Variants in MDGA2 observed in about 807,000 individuals in gnomAD.
MDGA2 encodes MAM domain-containing glycosylphosphatidylinositol anchor protein 2.
In MDGA2, 40 loss-of-function variants were observed where a neutral mutation model predicts 117.8. That is an observed-to-expected ratio of 0.34 (90% CI 0.26 to 0.44). The LOEUF (loss-of-function observed/expected upper bound fraction) is 0.44. MDGA2 is among the 20% of genes least tolerant of loss of function. The pLI, the probability that MDGA2 is intolerant of heterozygous loss-of-function variation, is 1.00. For synonymous variants in MDGA2, 452 were observed against 439.0 expected (o/e 1.03, Z -0.37); for missense variants, 1,123 against 1,250.6 (o/e 0.90, Z 1.54).
intron 1 of MDGA2, among the ~76,000 whole-genome samples, chr14:47,405,183 A>C (rs1379348933): frequency 6.6e-6 from 1 of 152,198 alleles, no homozygotes; most frequent in Non-Finnish European, 1.5e-5. Context: ...TCAAAAGTAC[A>C]AAGTAATTAA....
chr14:46,914,351 G>C lies in MDGA2; in HGVS notation c.2238+5661C>G, dbSNP rs146494503. On this transcript the variant is annotated intron_variant, in intron 10 of 16. Transcript: ENST00000399232. ...AACTTTGTTAGGACATAAAGATTCT[G>C]AGAAAACTTTTTTCCACAAATTAAT... Among the ~76,000 whole-genome samples the C allele has an allele frequency of 3.8e-3, 571 of 152,146 alleles. 1 individual carries two copies. The highest frequency in any genetic ancestry group is 6.8e-3 in the Middle Eastern group (2 of 294).
chr14:47,258,728 G>A (rs1319499924), intron 2 of MDGA2, among the ~76,000 whole-genome samples: 1 of 47,870 alleles, frequency 2.1e-5, no homozygotes, highest in Non-Finnish European at 3.7e-5. Flanking sequence ...AGATGGATGA[G>A]GCTATTTTTT....
At chr14:47,299,543 CAAAACA>C (rs1198485276) in intron 2 of MDGA2, 3 of 152,016 alleles carry the variant, frequency 2.0e-5, no homozygotes, top group African/African-American at 7.2e-5. Context: ...TCCATGTCTA[CAAAACA>C]AAAAATATAA....
chr14:47,446,372 G>A (rs995268936), intron 1 of MDGA2, among the ~76,000 whole-genome samples: 18 of 152,132 alleles, frequency 1.2e-4, no homozygotes, highest in African/African-American at 4.3e-4. Context: ...ATGATTATGT[G>A]TTTGTGACCC....
At chr14:47,253,053 T>C (rs1359846804) in intron 2 of MDGA2, among the ~76,000 whole-genome samples, 1 of 152,154 alleles carries the variant, frequency 6.6e-6, no homozygotes, top group Admixed American at 6.5e-5. Flanking sequence ...GAGAACAGCA[T>C]GTAGGAAACC....
intron 8 of MDGA2, among the ~76,000 whole-genome samples, chr14:47,006,969 G>A (rs912130842): frequency 1.3e-5 from 2 of 151,694 alleles, no homozygotes; most frequent in Admixed American, 6.6e-5. Flanking sequence ...TTTAAGCAAT[G>A]TTCTTTCTCA....
At chr14:46,932,814 T>C (rs1019503342) in intron 9 of MDGA2, among the ~76,000 whole-genome samples, 50 of 152,078 alleles carry the variant, frequency 3.3e-4, no homozygotes, top group African/African-American at 1.2e-3. Flanking sequence ...TATGTCTTTT[T>C]TTTTTTGAAA....
chr14:47,653,763 G>A (rs1293444483), intron 1 of MDGA2, among the ~76,000 whole-genome samples: 2 of 152,144 alleles, frequency 1.3e-5, no homozygotes, highest in African/African-American at 4.8e-5. Context: ...GGAAAAAGAG[G>A]AGAGTCAGAG....
intron 2 of MDGA2, among the ~76,000 whole-genome samples, chr14:47,299,923 T>G (rs572855054): frequency 5.3e-5 from 8 of 152,334 alleles, no homozygotes; most frequent in Non-Finnish European, 1.2e-4. Context: ...TCAACATTTT[T>G]AATAATTATT....
At chr14:47,543,703 T>C (rs866814739) in intron 1 of MDGA2, among the ~76,000 whole-genome samples, 3 of 152,198 alleles carry the variant, frequency 2.0e-5, no homozygotes, top group Non-Finnish European at 4.4e-5. Flanking sequence ...ATAAATCATC[T>C]AATCTAGTCA....
intron 7 of MDGA2, among the ~76,000 whole-genome samples, chr14:47,052,851 C>A (rs931052719): frequency 5.3e-4 from 81 of 151,842 alleles, no homozygotes; most frequent in African/African-American, 1.9e-3. Flanking sequence ...ACTCTGATGA[C>A]CTCTTATCTT....
intron 2 of MDGA2, among the ~76,000 whole-genome samples, chr14:47,247,019 T>A (rs1887263235): frequency 6.6e-6 from 1 of 151,810 alleles, no homozygotes; most frequent in South Asian, 2.1e-4. Flanking sequence ...TGTACATATT[T>A]TTCTGTGTTG....
intron 8 of MDGA2, among the ~76,000 whole-genome samples, chr14:47,031,221 T>C (rs916550835): frequency 2.9e-5 from 4 of 138,542 alleles, no homozygotes; most frequent in African/African-American, 8.2e-5. Flanking sequence ...AATATATATA[T>C]ATATATATAC....
At chr14:47,431,153 A>T (rs1007840613) in intron 1 of MDGA2, among the ~76,000 whole-genome samples, 1 of 152,016 alleles carries the variant, frequency 6.6e-6, no homozygotes, top group Non-Finnish European at 1.5e-5. Flanking sequence ...ATGAGAATAT[A>T]TAAGTATATA....
chr14:47,439,236 A>G (rs977213186), intron 1 of MDGA2, among the ~76,000 whole-genome samples: 1 of 152,134 alleles, frequency 6.6e-6, no homozygotes, highest in Admixed American at 6.6e-5. Context: ...AGATATGGCA[A>G]TGACTTAAGT....
At chr14:47,447,523 G>T (rs1251897322) in intron 1 of MDGA2, among the ~76,000 whole-genome samples, 1 of 152,156 alleles carries the variant, frequency 6.6e-6, no homozygotes, top group Admixed American at 6.6e-5. Context: ...AATCTCCACA[G>T]TGACAGGAGA....
chr14:46,924,653 G>C (rs1363635201), intron 9 of MDGA2, among the ~76,000 whole-genome samples: 1 of 151,330 alleles, frequency 6.6e-6, no homozygotes, highest in Non-Finnish European at 1.5e-5. Context: ...AATAAAATGA[G>C]CCCATTTTAT....
intron 1 of MDGA2, among the ~76,000 whole-genome samples, chr14:47,592,703 A>C (rs1226989153): frequency 1.3e-5 from 2 of 152,126 alleles, no homozygotes; most frequent in East Asian, 1.9e-4. Context: ...TTGAAACTGA[A>C]CCATTTCCTT....
At chr14:47,298,967 T>G (rs1253149544) in intron 2 of MDGA2, among the ~76,000 whole-genome samples, 1 of 152,086 alleles carries the variant, frequency 6.6e-6, no homozygotes, top group African/African-American at 2.4e-5. Context: ...ATTACAGGCG[T>G]GAGCCACCGC....
Sources: gnomAD v4.1 joint callset for allele counts (sites outside exome capture counted in the v4.1 genomes callset) on GRCh38, gnomAD v4.1.1 for gene constraint, MANE v1.5 for transcripts, NCBI Gene and HGNC (gene_info 2026-07-23, HGNC 2026-07-21) for gene names.